MCPH1: variants seen among roughly 807,000 people sequenced by gnomAD.
MCPH1 encodes microcephalin 1.
In MCPH1, 104 loss-of-function variants were observed where a neutral mutation model predicts 84.5. The observed-to-expected ratio is 1.23, with a 90% confidence interval of 1.05 to 1.45. The LOEUF (loss-of-function observed/expected upper bound fraction) is 1.45. Among genes scored for constraint, MCPH1 ranks in the 40% most tolerant of loss-of-function variants. MCPH1 has a pLI of 0.00. For synonymous variants in MCPH1, 514 were observed against 366.8 expected (o/e 1.40, Z -4.58); for missense variants, 1,498 against 1,005.7 (o/e 1.49, Z -6.62).
chr8:6,529,566 C>A (rs1440357375), intron 12 of MCPH1, among the ~76,000 whole-genome samples: 2 of 151,412 alleles, frequency 1.3e-5, no homozygotes, highest in African/African-American at 4.9e-5. Context: ...CTTCTTGTAA[C>A]CTCACTAAGC....
intron 9 of MCPH1, among the ~76,000 whole-genome samples, chr8:6,467,776 G>A (rs1299351153): frequency 6.6e-6 from 1 of 151,884 alleles, no homozygotes; most frequent in South Asian, 2.1e-4. Flanking sequence ...TTTTTTGTTT[G>A]TTTTAGAGAT....
chr8:6,487,096 C>T (rs1245424046), intron 11 of MCPH1, among the ~76,000 whole-genome samples: 1 of 152,182 alleles, frequency 6.6e-6, no homozygotes, highest in African/African-American at 2.4e-5. Context: ...TATTTTGATT[C>T]TGAACAGCTT....
At chr8:6,515,835 A>G (rs952510515) in intron 12 of MCPH1, among the ~76,000 whole-genome samples, 2 of 152,216 alleles carry the variant, frequency 1.3e-5, no homozygotes, top group African/African-American at 2.4e-5. Flanking sequence ...TTCAACGCAC[A>G]CTGTTCTCTG....
intron 12 of MCPH1, chr8:6,527,735 C>G: frequency 6.8e-7 from 1 of 1,466,116 alleles, no homozygotes; most frequent in Non-Finnish European, 9.2e-7. Flanking sequence ...AACTTTCTAA[C>G]TTCCTTTTCA....
intron 11 of MCPH1, among the ~76,000 whole-genome samples, chr8:6,490,081 T>G (rs551452512): frequency 3.9e-5 from 4 of 103,344 alleles, no homozygotes; most frequent in African/African-American, 1.1e-4. Context: ...TCCCCAACAT[T>G]TGCCTTATGA....
intron 7 of MCPH1, among the ~76,000 whole-genome samples, chr8:6,443,243 C>T (rs577261916): frequency 1.3e-5 from 2 of 152,328 alleles, no homozygotes; most frequent in African/African-American, 4.8e-5. Context: ...GGCAGTCTGA[C>T]ATCACAGATT....
At chr8:6,416,960 C>G (rs1256920874) in intron 3 of MCPH1, among the ~76,000 whole-genome samples, 2 of 151,638 alleles carry the variant, frequency 1.3e-5, no homozygotes, top group Non-Finnish European at 2.9e-5. Flanking sequence ...CGCCATTGCA[C>G]TTTAGCCTGG....
intron 12 of MCPH1, among the ~76,000 whole-genome samples, chr8:6,515,877 A>G (rs1440019995): frequency 1.3e-5 from 2 of 152,224 alleles, no homozygotes; most frequent in East Asian, 1.9e-4. Context: ...GAGGAGAGCG[A>G]AAAGAGAACC....
At chr8:6,482,466 A>G (rs2129560035) in intron 11 of MCPH1, among the ~76,000 whole-genome samples, 1 of 152,296 alleles carries the variant, frequency 6.6e-6, no homozygotes, top group East Asian at 1.9e-4. Context: ...TCAGTGAATG[A>G]GTTCTGTGTT....
intron 11 of MCPH1, among the ~76,000 whole-genome samples, chr8:6,489,311 G>T (rs1285925131): frequency 1.3e-5 from 2 of 152,062 alleles, no homozygotes; most frequent in Non-Finnish European, 2.9e-5. Flanking sequence ...GAAGTCAGGG[G>T]GAAGGGGGAG....
intron 12 of MCPH1, chr8:6,615,602 G>A (rs1205406724): frequency 1.3e-5 from 2 of 152,182 alleles, no homozygotes; most frequent in Admixed American, 6.5e-5. Flanking sequence ...GTAGACCAAT[G>A]TAAGCGTTAA....
chr8:6,445,903 G>A (rs1804292761), intron 8 of MCPH1: 16 of 1,005,618 alleles, frequency 1.6e-5, no homozygotes, highest in Admixed American at 5.6e-5. Context: ...AGATGTATAC[G>A]ATAGAGAGTT....
intron 12 of MCPH1, among the ~76,000 whole-genome samples, chr8:6,592,623 G>GTTTTTTTT (rs573651366): frequency 3.1e-4 from 24 of 77,556 alleles, no homozygotes; most frequent in South Asian, 5.3e-4. Context: ...TCTTTTTTTT[G>GTTTTTTTT]TTTTTTTTTT....
intron 12 of MCPH1, among the ~76,000 whole-genome samples, chr8:6,608,165 G>T (rs1366828707): frequency 1.3e-5 from 2 of 152,166 alleles, no homozygotes; most frequent in Non-Finnish European, 2.9e-5. Flanking sequence ...TGCGAGGGTG[G>T]GAGAGGTCGC....
chr8:6,421,833 C>G (rs570888959), intron 3 of MCPH1, among the ~76,000 whole-genome samples: 1 of 152,282 alleles, frequency 6.6e-6, no homozygotes, highest in East Asian at 1.9e-4. Context: ...TCCCCTCTCC[C>G]TTGTTTGCGT....
intron 13 of MCPH1, chr8:6,627,200 T>A: frequency 1.0e-6 from 1 of 985,402 alleles, no homozygotes; most frequent in Non-Finnish European, 1.2e-6. Flanking sequence ...GCCTCAGGCC[T>A]TCGGGCTTCC....
intron 12 of MCPH1, among the ~76,000 whole-genome samples, chr8:6,607,593 C>G (rs565284424): frequency 6.6e-6 from 1 of 152,282 alleles, no homozygotes; most frequent in South Asian, 2.1e-4. Flanking sequence ...AATTGTAGCT[C>G]CCTCAATTCC....
intron 3 of MCPH1, among the ~76,000 whole-genome samples, chr8:6,416,863 G>A (rs1440132119): frequency 1.3e-5 from 2 of 151,988 alleles, no homozygotes; most frequent in Non-Finnish European, 1.5e-5. Flanking sequence ...TCATGTTGGC[G>A]TGTGCCTATA....
rs1319795898 is a variant in MCPH1 at position 6,623,339 on chromosome 8, CCTCT to C, written c.2452+1658_2452+1661del. ...CTTACCCGACTTTAGAGGTACATCC[CCTCT>C]CTCTCTCTCAATCTCTCTCTCTCTC... On this transcript the variant is annotated intron_variant, in intron 13 of 13. Coordinates refer to ENST00000344683, the MANE Select transcript of MCPH1 (RefSeq NM_024596.5). Among the ~76,000 whole-genome samples, 9 of 150,908 alleles carry C rather than the reference CCTCT, an allele frequency of 6.0e-5. No homozygotes were observed. The South Asian group carries it at 1.3e-3, about 21-fold the overall frequency.
Sources: gnomAD v4.1 joint callset for allele counts (sites outside exome capture counted in the v4.1 genomes callset) on GRCh38, gnomAD v4.1.1 for gene constraint, MANE v1.5 for transcripts, NCBI Gene and HGNC (gene_info 2026-07-23, HGNC 2026-07-21) for gene names.